Variants in ZBTB38 observed in about 807,000 individuals in gnomAD.
ZBTB38 encodes zinc finger and BTB domain-containing protein 38.
ZBTB38 carries 20 observed loss-of-function variants against 76.8 expected under a neutral mutation model. The observed-to-expected ratio is 0.26, with a 90% CI of 0.18 to 0.38. The LOEUF (loss-of-function observed/expected upper bound fraction) is 0.38, where lower values mean the gene tolerates loss of function less well. Among genes scored for constraint, ZBTB38 ranks in the 10% least tolerant of loss-of-function variants. The pLI is 1.00. For synonymous variants in ZBTB38, 504 were observed against 544.2 expected (o/e 0.93, Z 1.03); for missense variants, 1,082 against 1,482.3 (o/e 0.73, Z 4.43).
chr3:141,356,898 A>T (rs913971927), intron 1 of ZBTB38, among the ~76,000 whole-genome samples: 1 of 152,268 alleles, frequency 6.6e-6, no homozygotes, highest in Middle Eastern at 3.2e-3. Context: ...ATTAATCATC[A>T]AGAATGACTT....
rs1218157632 is a variant in ZBTB38 at position 141,446,613 on chromosome 3, G to A, written c.*637G>A. Reference sequence around the variant, plus strand: ...ATATAAATCACTATAACTTTTAACTGTCCATATCCCCTGTAGAGAATTATG... The same window carrying A: ...ATATAAATCACTATAACTTTTAACTATCCATATCCCCTGTAGAGAATTATG... On this transcript the variant is annotated 3_prime_UTR_variant, in exon 6 of 6. Coordinates refer to ENST00000321464, the MANE Select transcript of ZBTB38 (RefSeq NM_001376113.1). The A allele has an allele frequency of 6.6e-6, 1 of 152,610 alleles. No homozygotes were observed. The highest frequency in any genetic ancestry group is 2.4e-5 in the African/African-American group (1 of 41,426). 9.5% of individuals were successfully genotyped at this position (152,610 alleles called of 1,614,324 possible). A position where few individuals can be genotyped will look rare whatever the true frequency, so the allele number is the denominator to read the frequency against.
At chr3:141,348,951 A>G (rs981867529) in intron 1 of ZBTB38, among the ~76,000 whole-genome samples, 2 of 152,236 alleles carry the variant, frequency 1.3e-5, no homozygotes, top group Admixed American at 6.5e-5. Context: ...TTACAAGAGT[A>G]AGGGTGGGGG....
chr3:141,385,125 T>G (rs192991409), intron 3 of ZBTB38, among the ~76,000 whole-genome samples: 3 of 152,266 alleles, frequency 2.0e-5, no homozygotes, highest in Admixed American at 1.3e-4. Context: ...TTTCAGCCAG[T>G]CCTTACAGAA....
chr3:141,441,559 G>A (rs1266325948), intron 5 of ZBTB38, among the ~76,000 whole-genome samples: 1 of 152,142 alleles, frequency 6.6e-6, no homozygotes, highest in African/African-American at 2.4e-5. Context: ...GAGAGGCGGG[G>A]GTGCCCCTGG....
chr3:141,431,972 A>G (rs2077712102), intron 5 of ZBTB38: 1 of 480,964 alleles, frequency 2.1e-6, no homozygotes, highest in Non-Finnish European at 2.7e-6. Flanking sequence ...TCCATAAAGG[A>G]CTTCTGTTTT....
intron 5 of ZBTB38, among the ~76,000 whole-genome samples, chr3:141,404,952 A>C (rs1953851252): frequency 6.6e-6 from 1 of 152,336 alleles, no homozygotes; most frequent in South Asian, 2.1e-4. Context: ...AGTGGGGTCC[A>C]TCGCAGGGAC....
At position 141,442,650 on chromosome 3, in the gene ZBTB38, C is replaced by A. The variant is rs768038434; in HGVS notation, c.262C>A (p.Leu88Ile). ...DLKAEVFTEI[L>I]NYIYSSTVVV... The stretch of plus-strand genomic sequence containing the variant: ...CAAAGCTGAAGTGTTTACTGAAATA[C>A]TTAATTATATCTACAGTTCCACAGT... Residue 88 changes from leucine (L) to isoleucine (I), a missense_variant, in exon 6 of 6, where the codon CTT (leucine) becomes ATT (isoleucine). Leu to Ile is a conservative substitution (Grantham distance 5, BLOSUM62 2). Transcript: ENST00000321464. This position sits in a 1 kb window ranked among gnomAD's most constrained non-coding sequence, Gnocchi z 6.4. The A allele has an allele frequency of 6.2e-7, 1 of 1,614,158 alleles. No individual in the cohort carries two copies.
chr3:141,354,929 C>A (rs1219864143), intron 1 of ZBTB38, among the ~76,000 whole-genome samples: 2 of 152,046 alleles, frequency 1.3e-5, no homozygotes, highest in Non-Finnish European at 2.9e-5. Context: ...TCTCACGATT[C>A]TTCTTGAAGA....
chr3:141,388,484 C>T (rs1232080983), intron 4 of ZBTB38: 6 of 151,966 alleles, frequency 3.9e-5, no homozygotes, highest in African/African-American at 9.7e-5. Flanking sequence ...TAAATGAAAC[C>T]GAGCCCCTAG....
At chr3:141,417,475 C>T (rs1172704332) in intron 5 of ZBTB38, among the ~76,000 whole-genome samples, 4 of 152,210 alleles carry the variant, frequency 2.6e-5, no homozygotes, top group Admixed American at 2.6e-4. Flanking sequence ...AGAACAGGCA[C>T]GTCAGTCATT....
chr3:141,405,844 A>G (rs1164316137), intron 5 of ZBTB38: 2 of 151,944 alleles, frequency 1.3e-5, no homozygotes, highest in East Asian at 3.8e-4. Flanking sequence ...GAAAGAAGAT[A>G]TGCAGAAATA....
intron 2 of ZBTB38, among the ~76,000 whole-genome samples, chr3:141,372,183 T>C (rs1276709100): frequency 6.6e-6 from 1 of 152,224 alleles, no homozygotes; most frequent in Non-Finnish European, 1.5e-5. Flanking sequence ...CTGCCTAGCC[T>C]CTGCCCAGTC....
chr3:141,414,113 A>G (rs144141037), intron 5 of ZBTB38, among the ~76,000 whole-genome samples: 1 of 152,356 alleles, frequency 6.6e-6, no homozygotes, highest in Non-Finnish European at 1.5e-5. Flanking sequence ...TTACGTTTTT[A>G]TAGACTAAGA....
intron 1 of ZBTB38, among the ~76,000 whole-genome samples, chr3:141,352,709 A>T (rs1460857412): frequency 1.3e-5 from 2 of 152,114 alleles, no homozygotes; most frequent in East Asian, 3.8e-4. Context: ...CTTTGCCACA[A>T]AGCAGCTCTC....
At chr3:141,378,763 G>A (rs1023075143) in intron 2 of ZBTB38, among the ~76,000 whole-genome samples, 2 of 152,112 alleles carry the variant, frequency 1.3e-5, no homozygotes, top group South Asian at 2.1e-4. Context: ...AGCCCATCTC[G>A]GATGGAATCA....
chr3:141,437,410 G>A (rs2079052257), intron 5 of ZBTB38, among the ~76,000 whole-genome samples: 1 of 152,004 alleles, frequency 6.6e-6, no homozygotes, highest in African/African-American at 2.4e-5. Flanking sequence ...ATGTTCCCTG[G>A]GTATCTTTGT....
intron 1 of ZBTB38, among the ~76,000 whole-genome samples, chr3:141,355,872 T>A (rs1271845923): frequency 6.6e-6 from 1 of 152,122 alleles, no homozygotes; most frequent in Admixed American, 6.6e-5. Flanking sequence ...AACTTCTCTG[T>A]TTTAGGCTCC....
upstream of ZBTB38, chr3:141,366,885 C>G (rs116415647): frequency 7.8e-3 from 1,184 of 152,356 alleles, 2 homozygotes; most frequent in Non-Finnish European, 0.012. Context: ...CCTCGTAGGT[C>G]ATTCTTATGC....
At chr3:141,363,777 T>C (rs1943882786), upstream of ZBTB38, among the ~76,000 whole-genome samples, 1 of 152,144 alleles carries the variant, frequency 6.6e-6, no homozygotes, top group Non-Finnish European at 1.5e-5. Flanking sequence ...GATAGCCACA[T>C]GAAAAGAATG....
Sources: gnomAD v4.1 joint callset for allele counts (sites outside exome capture counted in the v4.1 genomes callset) on GRCh38, gnomAD v4.1.1 for gene constraint, Gnocchi (gnomAD v3.1) non-coding constraint, MANE v1.5 for transcripts, NCBI Gene and HGNC (gene_info 2026-07-23, HGNC 2026-07-21) for gene names.